Variants in MAP4K3 observed in about 807,000 individuals in gnomAD.
MAP4K3 encodes mitogen-activated protein kinase kinase kinase kinase 3.
MAP4K3 carries 94 observed loss-of-function variants against 143.5 expected under a neutral mutation model. That is an observed-to-expected ratio of 0.65 (90% CI 0.55 to 0.78). The LOEUF is 0.78. Among genes scored for constraint, MAP4K3 ranks in the 30% least tolerant of loss-of-function variants. MAP4K3 has a pLI of 0.00. For synonymous variants in MAP4K3, 416 were observed against 347.2 expected, an observed-to-expected ratio of 1.20 and a Z score of -2.20; for missense variants, 1,077 against 1,068.1, an observed-to-expected ratio of 1.01 and a Z score of -0.12.
intron 32 of MAP4K3, among the ~76,000 whole-genome samples, chr2:39,254,053 C>T (rs898127623): frequency 2.0e-5 from 3 of 152,162 alleles, no homozygotes; most frequent in Non-Finnish European, 2.9e-5. Context: ...GGACTCTTTA[C>T]TTATAGTCTG....
chr2:39,360,356 C>T (rs1402600682), intron 2 of MAP4K3, among the ~76,000 whole-genome samples: 1 of 152,228 alleles, frequency 6.6e-6, no homozygotes, highest in African/African-American at 2.4e-5. Context: ...AGCCATTCAA[C>T]ATGTTTCTAG....
chr2:39,377,200 C>CTTTTTTTTTT (rs1666241648), intron 2 of MAP4K3, among the ~76,000 whole-genome samples: 3 of 29,560 alleles, frequency 1.0e-4, no homozygotes, highest in South Asian at 2.8e-3. Context: ...GGCTATTTGG[C>CTTTTTTTTTT]CTTTTTTTTT....
At chr2:39,364,997 G>C (rs1317520686) in intron 2 of MAP4K3, among the ~76,000 whole-genome samples, 4 of 152,104 alleles carry the variant, frequency 2.6e-5, no homozygotes, top group Non-Finnish European at 1.5e-5. Context: ...TTCTCTCCTG[G>C]ATCAGGAAAA....
intron 1 of MAP4K3, among the ~76,000 whole-genome samples, chr2:39,418,493 T>TGTGG (rs1667454627): frequency 6.6e-6 from 1 of 152,052 alleles, no homozygotes; most frequent in Non-Finnish European, 1.5e-5. Flanking sequence ...ACCTCTTGAG[T>TGTGG]GTGGCGCTGT....
intron 1 of MAP4K3, among the ~76,000 whole-genome samples, chr2:39,401,536 A>G (rs1184674556): frequency 6.6e-6 from 1 of 152,152 alleles, no homozygotes; most frequent in Admixed American, 6.5e-5. Flanking sequence ...GCTGTGGTTC[A>G]TGCCTGTAAT....
intron 1 of MAP4K3, among the ~76,000 whole-genome samples, chr2:39,416,138 CAATT>C (rs1456034183): frequency 6.6e-6 from 1 of 150,400 alleles, no homozygotes; most frequent in African/African-American, 2.4e-5. Context: ...AATTATATCT[CAATT>C]AAACTGTCAA....
In MAP4K3 at chr2:39,418,278, T is replaced by G. The variant is rs570915481; in HGVS notation, c.96+18614A>C. ...AGAGCCTGAAAGAGCTCCCAATGGC[T>G]AAGTTGGAGCAATCTGGGCAACAAA... On this transcript the variant is annotated intron_variant, in intron 1 of 33. Coordinates refer to ENST00000263881, the MANE Select transcript of MAP4K3 (RefSeq NM_003618.4). Among the ~76,000 whole-genome samples the G allele has an allele frequency of 2.0e-5, 3 of 150,548 alleles. No individual in the cohort carries two copies. The South Asian group carries it at 6.3e-4, about 32-fold the overall frequency.
chr2:39,352,550 G>C (rs1448101261), intron 3 of MAP4K3, among the ~76,000 whole-genome samples: 7 of 152,128 alleles, frequency 4.6e-5, no homozygotes, highest in African/African-American at 1.7e-4. Context: ...TATATATTCA[G>C]ATACAAATAC....
intron 3 of MAP4K3, among the ~76,000 whole-genome samples, chr2:39,353,848 AC>A (rs1665528839): frequency 6.6e-6 from 1 of 152,186 alleles, no homozygotes; most frequent in Admixed American, 6.5e-5. Context: ...ACACGTAGTT[AC>A]CCAGGAAGTA....
In MAP4K3 at chr2:39,317,565, A is replaced by T. The variant is rs1214927643; in HGVS notation, c.919-2177T>A. On this transcript the variant is annotated intron_variant, in intron 12 of 33. Transcript: ENST00000263881. ...TGTAAGAATCTTAAATTAACAAGCA[A>T]AAAACAACTCTATTAAAAAGTGGGC... Among the ~76,000 whole-genome samples, 3 of 152,264 alleles carry T rather than the reference A, an allele frequency of 2.0e-5. No homozygotes were observed. In the East Asian group the frequency reaches 5.8e-4, roughly 29 times the overall value.
intron 13 of MAP4K3, among the ~76,000 whole-genome samples, chr2:39,311,138 C>T (rs554640202): frequency 1.4e-4 from 21 of 152,230 alleles, no homozygotes; most frequent in African/African-American, 4.6e-4. Flanking sequence ...AGTGTAATGG[C>T]GCGATCTCAG....
Position 39,267,244 on chromosome 2 carries a change from T to G in MAP4K3, c.1977A>C (p.Lys659Asn). The G allele has an allele frequency of 1.2e-6, 2 of 1,613,574 alleles. No homozygotes were observed. The highest frequency in any genetic ancestry group is 1.7e-6 in the Non-Finnish European group (2 of 1,179,606). ...HKLPDRILPR[K>N]FSVSAKIPET... The stretch of plus-strand genomic sequence containing the variant: ...CAGGGATTTTTGCTGATACAGAAAA[T>G]TTCCTAAATGTAAATAAAAGTGAGT... Residue 659 changes from lysine to asparagine, a missense_variant, in exon 27 of 34, where the codon AAA becomes AAC. Lys to Asn is a moderately conservative substitution (Grantham distance 94, BLOSUM62 0). This residue lies in a region of MAP4K3 where 864 missense variants were observed against 801.2 expected (regional missense o/e 1.08). Coordinates refer to ENST00000263881, the MANE Select transcript of MAP4K3 (RefSeq NM_003618.4).
chr2:39,290,177 C>A, intron 19 of MAP4K3, 115 bp downstream of exon 19: 2 of 645,726 alleles, frequency 3.1e-6, no homozygotes, highest in East Asian at 3.4e-5. Context: ...CTTATATCAA[C>A]TTCATGATTT....
At chr2:39,407,632 C>T (rs1193290197) in intron 1 of MAP4K3, among the ~76,000 whole-genome samples, 1 of 152,144 alleles carries the variant, frequency 6.6e-6, no homozygotes, top group African/African-American at 2.4e-5. Context: ...AGTGCTGTGG[C>T]ATGACCTTGG....
chr2:39,426,435 T>C (rs1429850863), intron 1 of MAP4K3, among the ~76,000 whole-genome samples: 3 of 152,128 alleles, frequency 2.0e-5, no homozygotes, highest in African/African-American at 7.2e-5. Context: ...AATAATAGTA[T>C]TGTCTTAATA....
intron 1 of MAP4K3, among the ~76,000 whole-genome samples, chr2:39,433,669 T>A (rs1040879958): frequency 6.6e-6 from 1 of 152,108 alleles, no homozygotes; most frequent in Non-Finnish European, 1.5e-5. Context: ...GCCTATTAAT[T>A]TCAGAGCACT....
At chr2:39,276,123 C>T (rs1217731309) in intron 24 of MAP4K3, among the ~76,000 whole-genome samples, 1 of 152,102 alleles carries the variant, frequency 6.6e-6, no homozygotes, top group East Asian at 1.9e-4. Flanking sequence ...CCACCCACCT[C>T]GGCCTCCCAA....
intron 33 of MAP4K3, 51 bp downstream of exon 33, chr2:39,251,779 A>T: frequency 7.2e-7 from 1 of 1,396,828 alleles, no homozygotes; most frequent in Non-Finnish European, 1.0e-6. Flanking sequence ...TTCATGCTGG[A>T]TCTATAAAAC....
At chr2:39,363,063 A>T (rs1364012545) in intron 2 of MAP4K3, among the ~76,000 whole-genome samples, 1 of 152,234 alleles carries the variant, frequency 6.6e-6, no homozygotes, top group Non-Finnish European at 1.5e-5. Flanking sequence ...AAATACTTGA[A>T]TATTAATTAA....
Sources: allele counts gnomAD v4.1 joint callset (sites outside exome capture counted in the v4.1 genomes callset), GRCh38; gene constraint gnomAD v4.1.1; regional missense constraint gnomAD v4.1.1; transcripts MANE v1.5; gene names NCBI Gene and HGNC (gene_info 2026-07-23, HGNC 2026-07-21).